The following PLXNC1 variants were observed in gnomAD, a reference collection of about 807,000 sequenced individuals.
The protein encoded by PLXNC1 is plexin-C1.
In PLXNC1, 75 loss-of-function variants were observed where a neutral mutation model predicts 178.2. That is an observed-to-expected ratio of 0.42 (90% confidence interval 0.35 to 0.51). The LOEUF is 0.51. PLXNC1 is among the 20% of genes least tolerant of loss of function. The probability of loss-of-function intolerance (pLI) is 0.02; values close to 1 mark genes in which losing one functional copy is unlikely to be tolerated. For synonymous variants in PLXNC1, 790 were observed against 779.9 expected (o/e 1.01, Z -0.22); for missense variants, 1,503 against 1,984.4 (o/e 0.76, Z 4.61).
chr12:94,220,235 C>A, intron 6 of PLXNC1, 72 bp downstream of exon 6: 1 of 1,470,806 alleles, frequency 6.8e-7, no homozygotes, highest in Non-Finnish European at 9.4e-7. Context: ...GTTTAGTTTG[C>A]CCAAGGAATA....
At chr12:94,209,549 C>T in intron 4 of PLXNC1, 41 bp from the exon 5 acceptor site, 2 of 1,177,570 alleles carry the variant, frequency 1.7e-6, no homozygotes. Flanking sequence ...TTTTAACTAA[C>T]ACACGTATGG....
rs114435325 is a variant in PLXNC1 at position 94,186,059 on chromosome 12, C to T, written c.1339-314C>T. 2.4e-3 allele frequency: 559 copies of T among 231,380 alleles called. 2 individuals carry two copies. Among genetic ancestry groups the T allele is most frequent in the African/African-American group, 0.012 (531 of 45,050 alleles). 14.3% of individuals were successfully genotyped at this position (231,380 alleles called of 1,614,324 possible). On this transcript the variant is annotated intron_variant, in intron 3 of 30. Transcript: ENST00000258526. ...AGAAGTTCAAAACCAGCCTGGGCAA[C>T]GTAGTGAGACCCTGTGTCTTTAAGA...
At position 94,237,683 on chromosome 12, in the gene PLXNC1, T is replaced by G; in HGVS notation, c.2000T>G (p.Ile667Ser). The change falls in exon 10 of 31, where the codon ATT (isoleucine) becomes AGT (serine). Residue 667 changes from isoleucine (I) to serine (S), a missense_variant. Around this residue, in one of 4 missense-constraint regions of PLXNC1, gnomAD observed 615 missense variants for 698.6 expected, o/e 0.88. Transcript: ENST00000258526. ...QALQVFYIKS[I>S]EPQKVSTLGK... The stretch of plus-strand genomic sequence containing the variant: ...CAATAGGTCTTCTACATTAAGTCCA[T>G]TGAGCCACAGAAAGTATCGACATTA... 1 of 1,613,882 alleles carries G rather than the reference T, an allele frequency of 6.2e-7. No homozygotes were observed. The highest frequency in any genetic ancestry group is 8.5e-7 in the Non-Finnish European group (1 of 1,179,824).
intron 4 of PLXNC1, among the ~76,000 whole-genome samples, chr12:94,189,193 C>T (rs1032270850): frequency 3.3e-5 from 5 of 152,014 alleles, no homozygotes; most frequent in Admixed American, 6.6e-5. Context: ...GGGGCTTTGC[C>T]GGAAAATACA....
chr12:94,194,613 G>T (rs1245400356), intron 4 of PLXNC1, among the ~76,000 whole-genome samples: 7 of 152,166 alleles, frequency 4.6e-5, no homozygotes, highest in Non-Finnish European at 1.0e-4. Flanking sequence ...AATTAGCTGG[G>T]TGTGGTGGCG....
At chr12:94,284,164 A>G (rs1428494257) in intron 23 of PLXNC1, among the ~76,000 whole-genome samples, 1 of 151,306 alleles carries the variant, frequency 6.6e-6, no homozygotes, top group Admixed American at 6.6e-5. Flanking sequence ...TAGTGATTTT[A>G]TCCCCAGGAG....
chr12:94,207,179 TTTGTACTGGTGAGAGGCAAAGAATA>T (rs1963325359), intron 4 of PLXNC1, among the ~76,000 whole-genome samples: 1 of 152,212 alleles, frequency 6.6e-6, no homozygotes, highest in Non-Finnish European at 1.5e-5. Context: ...TCATTTTTTA[TTTGTACTGGTGAGAGGCAAAGAATA>T]GGAGTTCAGA....
intron 5 of PLXNC1, 72 bp from the exon 6 acceptor site, chr12:94,219,944 T>G: frequency 2.1e-6 from 3 of 1,435,638 alleles, no homozygotes; most frequent in Non-Finnish European, 2.9e-6. Context: ...AAGGGTGAGA[T>G]CATATGAGGC....
Position 94,149,589 on chromosome 12 carries a change from G to C in PLXNC1, c.618G>C (p.Ala206=), listed in dbSNP as rs756300206. The part of the protein sequence containing the change: ...PAASDHDTAI[A]LKDTEGRSLA... ...CATCCGACCACGACACGGCCATCGCGCTCAAGGACACGGAGGGGCGCAGCC... is the reference window on the plus strand; with the variant it reads ...CATCCGACCACGACACGGCCATCGCCCTCAAGGACACGGAGGGGCGCAGCC... Residue 206 remains alanine (A), a synonymous_variant, in exon 1 of 31, where the codon GCG becomes GCC. Coordinates refer to ENST00000258526, the MANE Select transcript of PLXNC1 (RefSeq NM_005761.3). 6.4e-7 allele frequency: 1 copy of C among 1,572,856 alleles called. No individual in the cohort carries two copies. The highest frequency in any genetic ancestry group is 8.6e-7 in the Non-Finnish European group (1 of 1,161,766).
chr12:94,283,802 G>C (rs1449997348), intron 23 of PLXNC1, among the ~76,000 whole-genome samples: 1 of 152,126 alleles, frequency 6.6e-6, no homozygotes, highest in Non-Finnish European at 1.5e-5. Flanking sequence ...GCAGGGTCTG[G>C]GCCAGGCGTG....
At position 94,232,472 on chromosome 12, in the gene PLXNC1, A is replaced by ATC. The variant is rs1186720738; in HGVS notation, c.1981-5192_1981-5191insTC. Reference sequence around the variant, plus strand: ...TTTGGGGACCTTGCCTTCAAGAGTGAAATTAAATTTCACATATACCTTGCT... The same window carrying ATC: ...TTTGGGGACCTTGCCTTCAAGAGTGATCAATTAAATTTCACATATACCTTGCT... On this transcript the variant is annotated intron_variant, in intron 9 of 30. Coordinates refer to ENST00000258526, the MANE Select transcript of PLXNC1 (RefSeq NM_005761.3). Among the ~76,000 whole-genome samples, 20 of 152,324 alleles carry ATC rather than the reference A, an allele frequency of 1.3e-4. No homozygotes were observed. In the South Asian group the frequency reaches 2.1e-3, roughly 16 times the overall value.
chr12:94,263,904 G>T (rs1965080412), intron 20 of PLXNC1, among the ~76,000 whole-genome samples: 1 of 152,120 alleles, frequency 6.6e-6, no homozygotes, highest in South Asian at 2.1e-4. Context: ...ACAGGGTTGG[G>T]GTGGGATGCT....
intron 21 of PLXNC1, among the ~76,000 whole-genome samples, chr12:94,274,015 C>G (rs995892905): frequency 6.6e-6 from 1 of 151,930 alleles, no homozygotes; most frequent in Admixed American, 6.6e-5. Context: ...GCTACTCCCC[C>G]TTTTGTTTGG....
At position 94,224,304 on chromosome 12, in the gene PLXNC1, A is replaced by C; in HGVS notation, c.1779A>C (p.Ser593=). The C allele has an allele frequency of 6.6e-7, 1 of 1,515,336 alleles. No individual in the cohort carries two copies. The highest frequency in any genetic ancestry group is 9.2e-7 in the Non-Finnish European group (1 of 1,089,988). 93.9% of individuals were successfully genotyped at this position (1,515,336 alleles called of 1,614,324 possible). ...ACAGATTCAACTTTACCAACTGCTC[A>C]TCATTAAAAGAGTAAGATTTTATTT... ...LSDRFNFTNC[S]SLKECPACVE... is the part of the protein sequence containing the mutation. The change falls in exon 7 of 31, where the codon TCA becomes TCC. Residue 593 remains serine, a synonymous_variant. Transcript: ENST00000258526.
intron 10 of PLXNC1, among the ~76,000 whole-genome samples, chr12:94,238,290 T>G (rs1964293732): frequency 6.6e-6 from 1 of 152,206 alleles, no homozygotes; most frequent in African/African-American, 2.4e-5. Flanking sequence ...CTGGTTTGGT[T>G]TCAGCCTCCA....
chr12:94,295,309 T>C (rs1413566370), intron 24 of PLXNC1, among the ~76,000 whole-genome samples: 1 of 152,158 alleles, frequency 6.6e-6, no homozygotes, highest in East Asian at 1.9e-4. Flanking sequence ...GACAGGATAA[T>C]TGGGTAGGAC....
At position 94,169,141 on chromosome 12, in the gene PLXNC1, G is replaced by T. The variant is rs1172276495; in HGVS notation, c.1063-12G>T. The T allele has an allele frequency of 1.9e-6, 3 of 1,610,988 alleles. No homozygotes were observed. In the East Asian group the frequency reaches 6.7e-5, roughly 36 times the overall value. Reference sequence around the variant, plus strand: ...TATTATTATTTTTTTGTGCGTTTGTGTGCATGTTCAGAAAGAAGGGGATCA... The same window carrying T: ...TATTATTATTTTTTTGTGCGTTTGTTTGCATGTTCAGAAAGAAGGGGATCA... On this transcript the variant is annotated splice_polypyrimidine_tract_variant and intron_variant, in intron 1 of 30. Coordinates refer to ENST00000258526, the MANE Select transcript of PLXNC1 (RefSeq NM_005761.3).
intron 17 of PLXNC1, among the ~76,000 whole-genome samples, chr12:94,256,601 T>G (rs746454966): frequency 2.0e-5 from 3 of 152,152 alleles, no homozygotes; most frequent in Non-Finnish European, 2.9e-5. Context: ...CTGCAAAGGT[T>G]GCATCACGAG....
At chr12:94,253,242 C>CTTTGTATTT (rs975920766) in intron 15 of PLXNC1, among the ~76,000 whole-genome samples, 2 of 112,096 alleles carry the variant, frequency 1.8e-5, no homozygotes, top group African/African-American at 5.9e-5. Context: ...AAAAAAAGCA[C>CTTTGTATTT]TTTGTATTTC....
Sources: gnomAD v4.1 joint callset for allele counts (sites outside exome capture counted in the v4.1 genomes callset) on GRCh38, gnomAD v4.1.1 for gene constraint, gnomAD v4.1.1 regional missense constraint, MANE v1.5 for transcripts, NCBI Gene and HGNC (gene_info 2026-07-23, HGNC 2026-07-21) for gene names.